SIPA1L2: variants seen among roughly 807,000 people sequenced by gnomAD.
The protein encoded by SIPA1L2 is signal induced proliferation associated 1 like 2, also known as signal-induced proliferation-associated 1-like protein 2.
SIPA1L2 carries 56 observed loss-of-function variants against 163.9 expected under a neutral mutation model. The observed-to-expected ratio is 0.34, with a 90% CI of 0.28 to 0.43. The LOEUF (loss-of-function observed/expected upper bound fraction) is 0.43. Ranked by LOEUF, SIPA1L2 falls within the 20% of genes least tolerant of loss-of-function variation. SIPA1L2 has a pLI of 1.00. For synonymous variants in SIPA1L2, 877 were observed against 865.7 expected (o/e 1.01, Z -0.23); for missense variants, 1,974 against 2,193.5 (o/e 0.90, Z 2.00).
intron 2 of SIPA1L2, among the ~76,000 whole-genome samples, chr1:232,558,473 G>A (rs1180592673): frequency 6.6e-6 from 1 of 152,200 alleles, no homozygotes; most frequent in African/African-American, 2.4e-5. Flanking sequence ...CTACCTTCAG[G>A]AAGGGAATAT....
At chr1:232,624,363 C>G (rs943430729) in intron 1 of SIPA1L2, among the ~76,000 whole-genome samples, 3 of 152,212 alleles carry the variant, frequency 2.0e-5, no homozygotes, top group African/African-American at 7.2e-5. Context: ...CAAAGCTATT[C>G]CTGAACAATG....
chr1:232,561,051 G>A (rs947909517), intron 2 of SIPA1L2, among the ~76,000 whole-genome samples: 23 of 152,084 alleles, frequency 1.5e-4, no homozygotes, highest in Admixed American at 5.2e-4. Context: ...ATTTGCTCAC[G>A]TGCATAAAAA....
chr1:232,618,991 C>G (rs925400604), intron 1 of SIPA1L2, among the ~76,000 whole-genome samples: 3 of 152,178 alleles, frequency 2.0e-5, no homozygotes, highest in Non-Finnish European at 2.9e-5. Context: ...TTTGAAAATA[C>G]TGTCCGTCAC....
In SIPA1L2 at chr1:232,591,945, G is replaced by GT. The variant is rs1660989651; in HGVS notation, c.-318-17724dup. ...GTTGAAATGGCAACAGCCTAAGCCT[G>GT]TAAGTGCCGCCTGCCATCATAAAGG... On this transcript the variant is annotated intron_variant, in intron 1 of 22. Coordinates refer to ENST00000674635, the MANE Select transcript of SIPA1L2 (RefSeq NM_020808.5). Among the ~76,000 whole-genome samples the GT allele has an allele frequency of 2.6e-5, 4 of 152,290 alleles. No individual in the cohort carries two copies. In the South Asian group the frequency reaches 8.3e-4, roughly 32 times the overall value.
At chr1:232,608,365 A>G (rs925777304) in intron 1 of SIPA1L2, among the ~76,000 whole-genome samples, 7 of 152,148 alleles carry the variant, frequency 4.6e-5, no homozygotes, top group Non-Finnish European at 8.8e-5. Flanking sequence ...TCACCTCTTG[A>G]GAGGAATGGG....
chr1:232,611,627 C>A (rs1209254376), intron 1 of SIPA1L2, among the ~76,000 whole-genome samples: 1 of 152,196 alleles, frequency 6.6e-6, no homozygotes, highest in Non-Finnish European at 1.5e-5. Context: ...GAACTTTGAA[C>A]TTCAGACAGA....
At position 232,501,168 on chromosome 1, in the gene SIPA1L2, C is replaced by G. The variant is rs942571114; in HGVS notation, c.1484-7508G>C. ...TGCCTCCCAGGTTCACGACGTTCTC[C>G]TGCCTCAGCCTCCTGAGTAGCTGGG... On this transcript the variant is annotated intron_variant, in intron 3 of 22. Transcript: ENST00000674635. Among the ~76,000 whole-genome samples, 19 of 150,274 alleles carry G rather than the reference C, an allele frequency of 1.3e-4. No homozygotes were observed. The South Asian group carries it at 3.6e-3, about 28-fold the overall frequency.
At chr1:232,552,331 T>C (rs1420117751) in intron 2 of SIPA1L2, among the ~76,000 whole-genome samples, 2 of 152,096 alleles carry the variant, frequency 1.3e-5, no homozygotes, top group African/African-American at 4.8e-5. Context: ...AATCAGGAGA[T>C]TGGTAGCTCT....
At chr1:232,539,164 C>G (rs571679551) in intron 2 of SIPA1L2, among the ~76,000 whole-genome samples, 1 of 152,192 alleles carries the variant, frequency 6.6e-6, no homozygotes. Context: ...CTACACAAAC[C>G]GCTGCAGGTG....
At chr1:232,491,556 G>A (rs1432160315) in intron 4 of SIPA1L2, among the ~76,000 whole-genome samples, 2 of 152,136 alleles carry the variant, frequency 1.3e-5, no homozygotes, top group African/African-American at 4.8e-5. Flanking sequence ...GCAGCCAGTG[G>A]TATCCATGGG....
intron 8 of SIPA1L2, among the ~76,000 whole-genome samples, chr1:232,468,970 T>C (rs1389529990): frequency 6.6e-6 from 1 of 152,210 alleles, no homozygotes; most frequent in Admixed American, 6.5e-5. Context: ...TTTCTCCTAG[T>C]TCCAGTGGAC....
At chr1:232,564,507 G>A (rs1188246848) in intron 2 of SIPA1L2, among the ~76,000 whole-genome samples, 1 of 151,942 alleles carries the variant, frequency 6.6e-6, no homozygotes. Flanking sequence ...AAGAGGCCAG[G>A]AGTGCCACCC....
intron 1 of SIPA1L2, among the ~76,000 whole-genome samples, chr1:232,617,278 C>T (rs1662550937): frequency 6.6e-6 from 1 of 152,230 alleles, no homozygotes; most frequent in African/African-American, 2.4e-5. Flanking sequence ...ACAAAAGAAG[C>T]ACCTCATCTC....
chr1:232,470,728 T>C (rs972444963), intron 8 of SIPA1L2, among the ~76,000 whole-genome samples: 1 of 152,190 alleles, frequency 6.6e-6, no homozygotes, highest in Admixed American at 6.5e-5. Flanking sequence ...AGATGAGGAA[T>C]CAAATGTTAA....
Position 232,514,119 on chromosome 1 carries a change from A to G in SIPA1L2, c.1221T>C (p.Leu407=). ...EGDGKSNDLV[L]SCPYFRNETG... Reference sequence around the variant, plus strand: ...TCTCATTTCTAAAGTAAGGACAACTAAGGACGAGGTCGTTACTTTTCCCAT... The same window carrying G: ...TCTCATTTCTAAAGTAAGGACAACTGAGGACGAGGTCGTTACTTTTCCCAT... Residue 407 remains leucine, a synonymous_variant, in exon 3 of 23, where the codon CTT becomes CTC. Coordinates refer to ENST00000674635, the MANE Select transcript of SIPA1L2 (RefSeq NM_020808.5). The G allele has an allele frequency of 6.2e-7, 1 of 1,614,210 alleles. No individual in the cohort carries two copies. The highest frequency in any genetic ancestry group is 1.6e-4 in the Middle Eastern group (1 of 6,062).
At chr1:232,494,285 T>G (rs1666069652) in intron 3 of SIPA1L2, among the ~76,000 whole-genome samples, 3 of 152,238 alleles carry the variant, frequency 2.0e-5, no homozygotes, top group Admixed American at 2.0e-4. Flanking sequence ...TCCTATAACT[T>G]GGTTTAAAAT....
rs773244818 is a variant in SIPA1L2 at position 232,514,384 on chromosome 1, C to A, written c.956G>T (p.Gly319Val). ...TCGCTGACAATTCCAAGGGCGAATG[C>A]CCCTCTCCAGTCGGCTCTCCTCCAG... is the stretch of plus-strand genomic sequence containing the variant. ...SELEESRLER[G>V]IRPWNCQRCF... is the part of the protein sequence containing the mutation. The change falls in exon 3 of 23, where the codon GGC becomes GTC. Residue 319 changes from glycine (G) to valine (V), a missense_variant. Transcript: ENST00000674635. The A allele has an allele frequency of 6.2e-7, 1 of 1,613,746 alleles. No individual in the cohort carries two copies. Among genetic ancestry groups the A allele is most frequent in the South Asian group, 1.1e-5 (1 of 91,090 alleles).
intron 15 of SIPA1L2, among the ~76,000 whole-genome samples, chr1:232,437,836 C>A (rs765981700): frequency 6.6e-6 from 1 of 152,142 alleles, no homozygotes; most frequent in African/African-American, 2.4e-5. Flanking sequence ...GACAGACGAG[C>A]GTGACTGTGG....
At chr1:232,431,581 T>G (rs1184834016) in intron 16 of SIPA1L2, among the ~76,000 whole-genome samples, 1 of 152,210 alleles carries the variant, frequency 6.6e-6, no homozygotes, top group Non-Finnish European at 1.5e-5. Context: ...CCTGATCATT[T>G]AGCACGAGTA....
Sources: allele counts gnomAD v4.1 joint callset (sites outside exome capture counted in the v4.1 genomes callset), GRCh38; gene constraint gnomAD v4.1.1; transcripts MANE v1.5; gene names NCBI Gene and HGNC (gene_info 2026-07-23, HGNC 2026-07-21).